Variants in MCM5 observed in about 807,000 individuals in gnomAD.
MCM5 encodes the protein DNA replication licensing factor MCM5.
A neutral mutation model predicts 79.9 loss-of-function variants in MCM5; 46 were observed. The observed-to-expected ratio is 0.58, with a 90% confidence interval of 0.45 to 0.74. The LOEUF (loss-of-function observed/expected upper bound fraction) is 0.74, where lower values mean the gene tolerates loss of function less well. Ranked by LOEUF, MCM5 falls within the 30% of genes least tolerant of loss-of-function variation. MCM5 has a pLI of 0.00. For synonymous variants in MCM5, 404 were observed against 390.5 expected (o/e 1.03, Z -0.41); for missense variants, 883 against 1,017.0 (o/e 0.87, Z 1.79).
chr22:35,426,834 C>T (rs1932781989), downstream of MCM5, among the ~76,000 whole-genome samples: 1 of 152,166 alleles, frequency 6.6e-6, no homozygotes, highest in African/African-American at 2.4e-5. Flanking sequence ...TGCTGTGTTC[C>T]CTGCCCCACT....
At position 35,406,656 on chromosome 22, in the gene MCM5, G is replaced by A. The variant is rs150125785; in HGVS notation, c.527G>A (p.Arg176His). 532 of 1,612,160 alleles carry A rather than the reference G, an allele frequency of 3.3e-4. 6 individuals carry two copies. Among genetic ancestry groups the A allele is most frequent in the Non-Finnish European group, 6.2e-5 (73 of 1,180,038 alleles). Residue 176 changes from arginine to histidine, a missense_variant, in exon 5 of 17, where the codon CGC (arginine) becomes CAC (histidine). Arg to His is a conservative substitution (Grantham distance 29). Transcript: ENST00000216122. ...TRISIQCRSCRNTLTNIAMRP... is the reference protein window; with the variant it reads ...TRISIQCRSCHNTLTNIAMRP... Reference sequence around the variant, plus strand: ...ATCTCTATCCAGTGCCGCAGCTGCCGCAACACCCTCACCAACATTGCCATG... The same window carrying A: ...ATCTCTATCCAGTGCCGCAGCTGCCACAACACCCTCACCAACATTGCCATG...
chr22:35,412,136 G>A (rs764948037), intron 7 of MCM5, among the ~76,000 whole-genome samples: 1 of 152,138 alleles, frequency 6.6e-6, no homozygotes, highest in African/African-American at 2.4e-5. Context: ...CCCAGTGTTC[G>A]TCTCCACCTT....
rs1356641013 is a variant in MCM5, at chr22:35,403,530, T to G, written c.411T>G (p.Ile137Met). 2 of 1,613,630 alleles carry G rather than the reference T, an allele frequency of 1.2e-6. No homozygotes were observed. Among genetic ancestry groups the G allele is most frequent in the Non-Finnish European group, 1.7e-6 (2 of 1,180,028 alleles). ...AGTCGGACGCCAGCCCTTCCAGCAT[T>G]CGTAGCCTGAAGGTGGGTCGGAGGG... Reference protein sequence around the residue: ...MLKSDASPSSIRSLKSDMMSH... With the variant: ...MLKSDASPSSMRSLKSDMMSH... Residue 137 changes from isoleucine to methionine, a missense_variant, in exon 4 of 17, where the codon ATT (isoleucine) becomes ATG (methionine). Coordinates refer to ENST00000216122, the MANE Select transcript of MCM5 (RefSeq NM_006739.4).
At chr22:35,440,774 C>T in the MCM5 span, among the ~76,000 whole-genome samples, 1 of 152,076 alleles carries the variant, frequency 6.6e-6, no homozygotes, top group African/African-American at 2.4e-5. Flanking sequence ...AAGTAAGATC[C>T]TGCCTGGGTG....
In MCM5 at chr22:35,424,189, G is replaced by A; in HGVS notation, c.2139G>A (p.Gln713=). 6.4e-7 allele frequency: 1 copy of A among 1,553,220 alleles called. No homozygotes were observed. The highest frequency in any genetic ancestry group is 8.7e-7 in the Non-Finnish European group (1 of 1,147,886). Residue 713 remains glutamine (Q), a synonymous_variant, in exon 17 of 17, where the codon CAG becomes CAA. Coordinates refer to ENST00000216122, the MANE Select transcript of MCM5 (RefSeq NM_006739.4). ...YPEHAIHKVL[Q]LMLRRGEIQH... Reference sequence around the variant, plus strand: ...AGCACGCCATCCACAAGGTGCTGCAGCTCATGCTGCGGCGCGGCGAGATCC... The same window carrying A: ...AGCACGCCATCCACAAGGTGCTGCAACTCATGCTGCGGCGCGGCGAGATCC...
chr22:35,407,195 A>G (rs886956122), intron 5 of MCM5, among the ~76,000 whole-genome samples: 1 of 152,006 alleles, frequency 6.6e-6, no homozygotes, highest in Non-Finnish European at 1.5e-5. Context: ...CTTTCTAGAA[A>G]ATGTTTGCTG....
At chr22:35,401,653 C>T in intron 2 of MCM5, 1 of 471,192 alleles carries the variant, frequency 2.1e-6, no homozygotes, top group East Asian at 6.9e-5. Context: ...CCTGCTTTCA[C>T]TTACTCATGC....
intron 7 of MCM5, among the ~76,000 whole-genome samples, chr22:35,412,296 A>T (rs1932405369): frequency 6.6e-6 from 1 of 151,842 alleles, no homozygotes; most frequent in Non-Finnish European, 1.5e-5. Flanking sequence ...CCTTCTCCCC[A>T]CTTCCCCTCA....
At chr22:35,451,340 G>A in the MCM5 span, among the ~76,000 whole-genome samples, 1 of 152,256 alleles carries the variant, frequency 6.6e-6, no homozygotes, top group Non-Finnish European at 1.5e-5. Flanking sequence ...CAAACTTTGC[G>A]GGTCTCAGTG....
the MCM5 span, among the ~76,000 whole-genome samples, chr22:35,451,377 A>G: frequency 6.6e-6 from 1 of 152,262 alleles, no homozygotes; most frequent in African/African-American, 2.4e-5. Context: ...AGCAAGGCGA[A>G]GAGATCGGCC....
intron 2 of MCM5, 97 bp from the exon 3 acceptor site, chr22:35,403,110 G>A: frequency 7.0e-7 from 1 of 1,436,490 alleles, no homozygotes; most frequent in Non-Finnish European, 9.6e-7. Context: ...GGTGGCTGTG[G>A]TGTGGGCAGA....
the MCM5 span, among the ~76,000 whole-genome samples, chr22:35,442,116 G>A: frequency 3.9e-5 from 6 of 151,958 alleles, no homozygotes; most frequent in African/African-American, 1.5e-4. Context: ...GAAAGTCCAC[G>A]CTCCCCTGCT....
the MCM5 span, among the ~76,000 whole-genome samples, chr22:35,432,064 T>A: frequency 1.3e-5 from 2 of 152,234 alleles, no homozygotes; most frequent in Non-Finnish European, 2.9e-5. Flanking sequence ...AATGCATGAA[T>A]GTATGCAGAG....
chr22:35,400,694 C>T, intron 2 of MCM5, 89 bp downstream of exon 2: 2 of 1,393,592 alleles, frequency 1.4e-6, no homozygotes, highest in South Asian at 2.9e-5. Flanking sequence ...ACAGTCAGGG[C>T]ACAGATGGGC....
At chr22:35,438,262 CCCA>C in the MCM5 span, among the ~76,000 whole-genome samples, 3 of 116,354 alleles carry the variant, frequency 2.6e-5, no homozygotes, top group African/African-American at 3.1e-5. Context: ...CACCCACCCA[CCCA>C]CCCACCCACA....
chr22:35,438,508 CATCT>C, the MCM5 span, among the ~76,000 whole-genome samples: 23 of 147,304 alleles, frequency 1.6e-4, no homozygotes, highest in African/African-American at 3.3e-4. Flanking sequence ...TCCATCCATC[CATCT>C]ATGCATCCAT....
chr22:35,418,686 T>TACAC (rs34663823), intron 13 of MCM5, among the ~76,000 whole-genome samples: 35,693 of 149,124 alleles, frequency 0.24, 4,297 homozygotes, highest in East Asian at 0.33. Flanking sequence ...TATATATGTG[T>TACAC]ACACACACAC....
At chr22:35,450,913 C>G in the MCM5 span, among the ~76,000 whole-genome samples, 2 of 152,174 alleles carry the variant, frequency 1.3e-5, no homozygotes, top group African/African-American at 4.8e-5. Flanking sequence ...TCCTTCATCC[C>G]CCAAGCCCTC....
At chr22:35,417,686 C>G in intron 12 of MCM5, 58 bp from the exon 13 acceptor site, 2 of 1,237,872 alleles carry the variant, frequency 1.6e-6, no homozygotes, top group East Asian at 2.3e-5. Context: ...CACCTCAGTG[C>G]TGGGACTCAG....
Sources: gnomAD v4.1 joint callset for allele counts (sites outside exome capture counted in the v4.1 genomes callset) on GRCh38, gnomAD v4.1.1 for gene constraint, MANE v1.5 for transcripts, NCBI Gene and HGNC (gene_info 2026-07-23, HGNC 2026-07-21) for gene names.